The following PICALM variants were observed in gnomAD, a reference collection of about 807,000 sequenced individuals.
PICALM encodes the protein phosphatidylinositol binding clathrin assembly protein, also known as phosphatidylinositol-binding clathrin assembly protein.
In PICALM, 40 loss-of-function variants were observed where a neutral mutation model predicts 80.5. The observed-to-expected ratio is 0.50, with a 90% confidence interval of 0.39 to 0.65. The LOEUF (loss-of-function observed/expected upper bound fraction) is 0.65, where lower values mean the gene tolerates loss of function less well. PICALM is among the 30% of genes least tolerant of loss of function. PICALM has a pLI of 0.00. For synonymous variants in PICALM, 288 were observed against 260.3 expected (o/e 1.11, Z -1.02); for missense variants, 676 against 778.9 (o/e 0.87, Z 1.57).
chr11:85,981,647 A>G (rs1400444586), intron 16 of PICALM, 98 bp downstream of exon 16: 11 of 873,528 alleles, frequency 1.3e-5, no homozygotes, highest in African/African-American at 5.1e-5. Flanking sequence ...ATCTCTACAC[A>G]TATTTTTGAG....
At chr11:85,983,285 G>T (rs1190094165) in intron 14 of PICALM, among the ~76,000 whole-genome samples, 2 of 152,140 alleles carry the variant, frequency 1.3e-5, no homozygotes, top group African/African-American at 4.8e-5. Context: ...AATTAACAAG[G>T]TATTAATGAA....
Position 85,957,607 on chromosome 11 carries a change from GA to G in PICALM, c.*1438del. On this transcript the variant is annotated 3_prime_UTR_variant, in exon 20 of 20. Transcript: ENST00000393346. ...AATCACCTGGGTATATTTTATTAGG[GA>G]AAAATGACAATATTGATAATAAAAA... 1 of 189,790 alleles carries G rather than the reference GA, an allele frequency of 5.3e-6. No homozygotes were observed. Among genetic ancestry groups the G allele is most frequent in the Non-Finnish European group, 1.1e-5 (1 of 90,432 alleles). 11.8% of individuals were successfully genotyped at this position (189,790 alleles called of 1,614,324 possible).
intron 4 of PICALM, among the ~76,000 whole-genome samples, chr11:86,017,750 G>A (rs552354255): frequency 3.3e-5 from 5 of 152,298 alleles, no homozygotes; most frequent in African/African-American, 9.6e-5. Flanking sequence ...TTAACAGTTT[G>A]TGTGCCACCA....
At chr11:86,036,252 G>A (rs150416134) in intron 1 of PICALM, among the ~76,000 whole-genome samples, 7 of 152,082 alleles carry the variant, frequency 4.6e-5, no homozygotes, top group Non-Finnish European at 1.0e-4. Context: ...TTGCCTAGTC[G>A]TAAGTGTCAA....
At chr11:86,067,322 G>A (rs546283032) in intron 1 of PICALM, among the ~76,000 whole-genome samples, 1 of 152,308 alleles carries the variant, frequency 6.6e-6, no homozygotes, top group East Asian at 1.9e-4. Context: ...AAGTCAGTCA[G>A]ACTAATGTGT....
In PICALM at chr11:86,012,484, C is replaced by T. The variant is rs17745153; in HGVS notation, c.547-92G>A. 128,260 of 713,150 alleles carry T rather than the reference C, an allele frequency of 0.18. 13,946 individuals are homozygous for T. Among genetic ancestry groups the T allele is most frequent in the Non-Finnish European group, 0.22 (86,437 of 397,592 alleles). The allele number at this position is 713,150 out of a possible 1,614,324, so 44.2% of individuals were successfully genotyped here. A position where few individuals can be genotyped will look rare whatever the true frequency, so the allele number is the denominator to read the frequency against. On this transcript the variant is annotated intron_variant, in intron 5 of 19. Coordinates refer to ENST00000393346, the MANE Select transcript of PICALM (RefSeq NM_007166.4). ...CCTTCAAATTAAGATACAGTAAATT[C>T]ATGCATTAGGCATGTTAGTGAAAAA...
At chr11:86,007,377 G>A (rs540639370) in intron 8 of PICALM, 165 bp downstream of exon 8, 13 of 442,894 alleles carry the variant, frequency 2.9e-5, no homozygotes, top group African/African-American at 8.2e-5. Flanking sequence ...ATCATTTTAC[G>A]TGGTCATAGT....
rs559211631 is a variant in PICALM, at chr11:85,986,651, G to A, written c.1409-2678C>T. Among the ~76,000 whole-genome samples, 607 of 151,694 alleles carry A rather than the reference G, an allele frequency of 4.0e-3. 3 individuals carry two copies. Among genetic ancestry groups the A allele is most frequent in the African/African-American group, 0.014 (578 of 41,342 alleles). ...ATGATCCACCCGCCTCGGCCTCCCA[G>A]AGTGCTGGGATTACAGGCGTGAGCC... is the stretch of plus-strand genomic sequence containing the variant. On this transcript the variant is annotated intron_variant, in intron 13 of 19. Transcript: ENST00000393346.
chr11:86,060,213 A>AT (rs534472127), intron 1 of PICALM, among the ~76,000 whole-genome samples: 1 of 152,130 alleles, frequency 6.6e-6, no homozygotes, highest in Non-Finnish European at 1.5e-5. Context: ...CTAAAGGTGC[A>AT]TTTTTTTAGT....
chr11:86,015,056 C>G (rs923008925), intron 4 of PICALM, 93 bp from the exon 5 acceptor site: 15 of 690,478 alleles, frequency 2.2e-5, no homozygotes, highest in Non-Finnish European at 3.6e-5. Flanking sequence ...AAACAGAGAA[C>G]CAAGTTGCTA....
In PICALM at chr11:86,059,513, A is replaced by G. The variant is rs1490344003; in HGVS notation, c.130+9138T>C. On this transcript the variant is annotated intron_variant, in intron 1 of 19. Coordinates refer to ENST00000393346, the MANE Select transcript of PICALM (RefSeq NM_007166.4). ...AATGGGAGCAAGGTAAAGACAGTTTAAAAGAGGCCGAGCATGGTGGCTCAC... is the reference window on the plus strand; with the variant it reads ...AATGGGAGCAAGGTAAAGACAGTTTGAAAGAGGCCGAGCATGGTGGCTCAC... 2.0e-5 allele frequency among the ~76,000 whole-genome samples: 3 copies of G among 152,208 alleles called. No homozygotes were observed. The East Asian group carries it at 5.8e-4, about 29-fold the overall frequency.
chr11:86,018,148 G>T (rs1445655958), intron 4 of PICALM, among the ~76,000 whole-genome samples: 1 of 152,180 alleles, frequency 6.6e-6, no homozygotes, highest in African/African-American at 2.4e-5. Context: ...GACTAAAAAA[G>T]CTTGTGAGTT....
chr11:85,985,221 G>A (rs1046399096), intron 13 of PICALM, among the ~76,000 whole-genome samples: 14 of 152,128 alleles, frequency 9.2e-5, no homozygotes, highest in African/African-American at 3.1e-4. Context: ...GTATAATGAT[G>A]TCATGCTGTA....
rs900887694 is a variant in PICALM at position 85,958,249 on chromosome 11, C to G, written c.*797G>C. 9.1e-6 allele frequency: 2 copies of G among 219,018 alleles called. No individual in the cohort carries two copies. Among genetic ancestry groups the G allele is most frequent in the Admixed American group, 5.8e-5 (1 of 17,284 alleles). 13.6% of individuals were successfully genotyped at this position (219,018 alleles called of 1,614,324 possible). A position where few individuals can be genotyped will look rare whatever the true frequency, so the allele number is the denominator to read the frequency against. On this transcript the variant is annotated 3_prime_UTR_variant, in exon 20 of 20. Transcript: ENST00000393346. ...CTGTTCCCTGGCAAAATCCTAGGCACAGAATTGACTATAAGGATTAATGCA... is the reference window on the plus strand; with the variant it reads ...CTGTTCCCTGGCAAAATCCTAGGCAGAGAATTGACTATAAGGATTAATGCA...
At chr11:86,068,246 A>G (rs1293826233) in intron 1 of PICALM, among the ~76,000 whole-genome samples, 1 of 152,190 alleles carries the variant, frequency 6.6e-6, no homozygotes, top group African/African-American at 2.4e-5. Context: ...ATGAAGAAAC[A>G]ATGGGGCTTG....
rs1281191585 is a variant in PICALM, at chr11:86,061,140, CT to C, written c.130+7510del. Among the ~76,000 whole-genome samples the C allele has an allele frequency of 5.3e-5, 8 of 151,906 alleles. No homozygotes were observed. The East Asian group carries it at 1.5e-3, about 29-fold the overall frequency. On this transcript the variant is annotated intron_variant, in intron 1 of 19. Transcript: ENST00000393346. ...GATGAGGAGTTCAAGACCAGCCTGG[CT>C]AATATGGTCAAACGCCATCTCTACT...
chr11:86,043,737 C>T (rs1171149371), intron 1 of PICALM, among the ~76,000 whole-genome samples: 1 of 152,132 alleles, frequency 6.6e-6, no homozygotes, highest in African/African-American at 2.4e-5. Context: ...AGGGTAACAG[C>T]GAAAAAGCCT....
intron 18 of PICALM, 105 bp from the exon 19 acceptor site, chr11:85,974,917 G>A (rs1372783108): frequency 2.6e-6 from 2 of 763,676 alleles, no homozygotes; most frequent in Non-Finnish European, 4.7e-6. Flanking sequence ...ACCTTTGCTT[G>A]ACTCAAAGGG....
chr11:86,045,996 T>C (rs11234529), intron 1 of PICALM, among the ~76,000 whole-genome samples: 3,884 of 152,304 alleles, frequency 0.026, 173 homozygotes, highest in African/African-American at 0.089. Context: ...CATTGCTACA[T>C]TAGATACTCT....
Sources: gnomAD v4.1 joint callset for allele counts (sites outside exome capture counted in the v4.1 genomes callset) on GRCh38, gnomAD v4.1.1 for gene constraint, MANE v1.5 for transcripts, NCBI Gene and HGNC (gene_info 2026-07-23, HGNC 2026-07-21) for gene names.